The following IL1RAPL1 variants were observed in gnomAD, a reference collection of about 807,000 sequenced individuals.
IL1RAPL1 encodes the protein interleukin-1 receptor accessory protein-like 1.
In IL1RAPL1, 3 loss-of-function variants were observed where a neutral mutation model predicts 48.4. That is an observed-to-expected ratio of 0.06 (90% CI 0.03 to 0.16). The LOEUF (loss-of-function observed/expected upper bound fraction) is 0.16, where lower values mean the gene tolerates loss of function less well. Ranked by LOEUF, IL1RAPL1 falls within the 10% of genes least tolerant of loss-of-function variation. IL1RAPL1 has a pLI of 1.00. For synonymous variants in IL1RAPL1, 185 were observed against 187.7 expected, an observed-to-expected ratio of 0.99 and a Z score of 0.12; for missense variants, 349 against 530.6, an observed-to-expected ratio of 0.66 and a Z score of 3.36.
chrX:28,706,041 G>C (rs73547871), intron 1 of IL1RAPL1, among the ~76,000 whole-genome samples: 1,221 of 111,748 alleles, frequency 0.011, 12 homozygotes, highest in African/African-American at 0.037. Flanking sequence ...AAGGCACAGG[G>C]TTCCAATTGC....
chrX:29,907,932 A>T (rs948358159), intron 6 of IL1RAPL1, among the ~76,000 whole-genome samples: 7 of 111,705 alleles, frequency 6.3e-5, no homozygotes, highest in African/African-American at 2.3e-4. Flanking sequence ...TGATTTCTAA[A>T]TATCATAGAC....
chrX:28,605,478 G>A (rs1420241781), intron 1 of IL1RAPL1, among the ~76,000 whole-genome samples: 5 of 111,284 alleles, frequency 4.5e-5, no homozygotes, highest in Non-Finnish European at 3.8e-5. Context: ...TCTTTACCCA[G>A]ATCTAGAATT....
chrX:29,278,638 A>G (rs2147597230), intron 2 of IL1RAPL1, among the ~76,000 whole-genome samples: 1 of 112,548 alleles, frequency 8.9e-6, no homozygotes, highest in Non-Finnish European at 1.9e-5. Flanking sequence ...CCTGATGATA[A>G]TTTTAAAAAA....
intron 2 of IL1RAPL1, among the ~76,000 whole-genome samples, chrX:29,048,077 G>A (rs1927014286): frequency 9.0e-6 from 1 of 111,174 alleles, no homozygotes; most frequent in African/African-American, 3.3e-5. Context: ...ACTTTTACGT[G>A]TATGTGTGTT....
intron 5 of IL1RAPL1, among the ~76,000 whole-genome samples, chrX:29,562,107 ATCTATCTAATCTATCT>A (rs1354666558): frequency 0.028 from 2,230 of 79,037 alleles, 50 homozygotes; most frequent in Middle Eastern, 0.066. Context: ...CTATCTATCT[ATCTATCTAATCTATCT>A]ATCTATCTAT....
intron 1 of IL1RAPL1, among the ~76,000 whole-genome samples, chrX:28,756,777 C>G (rs770980657): frequency 8.9e-6 from 1 of 111,975 alleles, no homozygotes; most frequent in East Asian, 2.8e-4. Flanking sequence ...TACCCTGGAT[C>G]CATTCCAAAT....
intron 5 of IL1RAPL1, among the ~76,000 whole-genome samples, chrX:29,478,315 A>T (rs975463444): frequency 8.9e-6 from 1 of 111,799 alleles, no homozygotes; most frequent in Admixed American, 9.5e-5. Context: ...TCTTCCTCAC[A>T]ACTCACGTGA....
chrX:28,864,051 A>G (rs1257474708), intron 2 of IL1RAPL1, among the ~76,000 whole-genome samples: 2 of 111,837 alleles, frequency 1.8e-5, no homozygotes, highest in Non-Finnish European at 3.8e-5. Flanking sequence ...TACCACATAC[A>G]CTATACACAT....
intron 5 of IL1RAPL1, among the ~76,000 whole-genome samples, chrX:29,571,308 T>G (rs2147798469): frequency 9.0e-6 from 1 of 111,677 alleles, no homozygotes; most frequent in African/African-American, 3.3e-5. Context: ...TTGAAGCCTG[T>G]AACCATTAAA....
At chrX:29,338,079 A>G (rs1933022056) in intron 3 of IL1RAPL1, among the ~76,000 whole-genome samples, 1 of 111,949 alleles carries the variant, frequency 8.9e-6, no homozygotes, top group Non-Finnish European at 1.9e-5. Context: ...CATAGAAACC[A>G]TATCTTAATC....
chrX:29,622,526 C>T (rs1317015918), intron 5 of IL1RAPL1, among the ~76,000 whole-genome samples: 1 of 111,575 alleles, frequency 9.0e-6, no homozygotes, highest in African/African-American at 3.3e-5. Flanking sequence ...CACTGGGTTC[C>T]TAAGATCAAT....
intron 2 of IL1RAPL1, among the ~76,000 whole-genome samples, chrX:29,000,752 A>G (rs1459219943): frequency 3.6e-5 from 4 of 110,530 alleles, no homozygotes; most frequent in African/African-American, 1.3e-4. Context: ...CACTGATTAT[A>G]TCTCTCTTAT....
At chrX:29,241,211 A>G (rs1414302083) in intron 2 of IL1RAPL1, among the ~76,000 whole-genome samples, 1 of 111,874 alleles carries the variant, frequency 8.9e-6, no homozygotes, top group African/African-American at 3.3e-5. Context: ...TATACTATAT[A>G]GTGAATGAAA....
intron 1 of IL1RAPL1, among the ~76,000 whole-genome samples, chrX:28,749,448 T>C (rs1936013796): frequency 8.9e-6 from 1 of 112,152 alleles, no homozygotes; most frequent in Non-Finnish European, 1.9e-5. Context: ...TTTTTGATAA[T>C]AGCCATTCTA....
intron 5 of IL1RAPL1, among the ~76,000 whole-genome samples, chrX:29,458,676 G>A (rs955447808): frequency 2.7e-5 from 3 of 110,477 alleles, no homozygotes; most frequent in Non-Finnish European, 5.7e-5. Context: ...ATAATAATTA[G>A]CCTTTCTCTG....
intron 6 of IL1RAPL1, among the ~76,000 whole-genome samples, chrX:29,833,834 C>A (rs1188816587): frequency 9.0e-6 from 1 of 111,572 alleles, no homozygotes; most frequent in Non-Finnish European, 1.9e-5. Context: ...AGTTTTGAGT[C>A]TATTTCTTCT....
At chrX:29,660,282 G>A (rs1212288130) in intron 5 of IL1RAPL1, among the ~76,000 whole-genome samples, 1 of 111,853 alleles carries the variant, frequency 8.9e-6, no homozygotes, top group Non-Finnish European at 1.9e-5. Flanking sequence ...CTTCCATTTT[G>A]TAGGTTGTCT....
intron 6 of IL1RAPL1, among the ~76,000 whole-genome samples, chrX:29,695,162 A>G (rs1926876817): frequency 1.8e-5 from 2 of 112,184 alleles, no homozygotes; most frequent in South Asian, 7.4e-4. Context: ...GCTAAACACA[A>G]TGCTAAGATA....
intron 5 of IL1RAPL1, among the ~76,000 whole-genome samples, chrX:29,610,157 C>T (rs181619186): frequency 8.9e-6 from 1 of 111,737 alleles, no homozygotes; most frequent in African/African-American, 3.2e-5. Context: ...GTTAGGCAAG[C>T]ATGTAATTCT....
Sources: gnomAD v4.1 joint callset for allele counts (sites outside exome capture counted in the v4.1 genomes callset) on GRCh38, gnomAD v4.1.1 for gene constraint, MANE v1.5 for transcripts, NCBI Gene and HGNC (gene_info 2026-07-23, HGNC 2026-07-21) for gene names.